The following TRPV3 variants were observed in gnomAD, a reference collection of about 807,000 sequenced individuals.
TRPV3 encodes the protein transient receptor potential cation channel subfamily V member 3, also known as VRL-3.
In TRPV3, 88 loss-of-function variants were observed where a neutral mutation model predicts 87.1. The observed-to-expected ratio is 1.01, with a 90% CI of 0.85 to 1.21. The LOEUF (loss-of-function observed/expected upper bound fraction) is 1.21. Among genes scored for constraint, TRPV3 ranks in the 50% most tolerant of loss-of-function variants. The pLI is 0.00. For missense variants in TRPV3, 1,054 were observed against 1,030.1 expected, an observed-to-expected ratio of 1.02 and a Z score of -0.32; for synonymous variants, 438 against 423.3, an observed-to-expected ratio of 1.03 and a Z score of -0.43.
intron 6 of TRPV3, among the ~76,000 whole-genome samples, chr17:3,538,208 G>T (rs1567640413): frequency 2.0e-5 from 3 of 151,834 alleles, no homozygotes; most frequent in Non-Finnish European, 2.9e-5. Flanking sequence ...AAATAGAAAG[G>T]CATTGTGTTT....
At chr17:3,519,328 A>ATGGG (rs574914411) in intron 14 of TRPV3, among the ~76,000 whole-genome samples, 117 of 140,928 alleles carry the variant, frequency 8.3e-4, no homozygotes, top group African/African-American at 3.4e-3. Flanking sequence ...GAATGGTTGG[A>ATGGG]TGGATGGATG....
At position 3,524,466 on chromosome 17, in the gene TRPV3, C is replaced by T. The variant is rs2074277155; in HGVS notation, c.1578-103G>A. 12 of 1,438,912 alleles carry T rather than the reference C, an allele frequency of 8.3e-6. No homozygotes were observed. The East Asian group carries it at 2.9e-4, about 34-fold the overall frequency. 89.1% of individuals were successfully genotyped at this position (1,438,912 alleles called of 1,614,324 possible). A position where few individuals can be genotyped will look rare whatever the true frequency, so the allele number is the denominator to read the frequency against. ...TCCCTTAAACCCCCTGAACAGTCAC[C>T]CCGGTGACGGATGCTGAAGAGACCA... On this transcript the variant is annotated intron_variant, in intron 12 of 17. Coordinates refer to ENST00000576742, the MANE Select transcript of TRPV3 (RefSeq NM_145068.4).
intron 2 of TRPV3, among the ~76,000 whole-genome samples, chr17:3,551,953 G>A (rs1054862199): frequency 2.5e-5 from 3 of 121,106 alleles, no homozygotes; most frequent in Non-Finnish European, 3.2e-5. Flanking sequence ...CACAATCTCA[G>A]CTCACTGCAA....
chr17:3,514,700 T>C (rs775497979), intron 16 of TRPV3, 28 bp from the exon 17 acceptor site: 1 of 1,502,486 alleles, frequency 6.7e-7, no homozygotes. Flanking sequence ...ATTCTTACTA[T>C]TTCACCAGTG....
intron 13 of TRPV3, 93 bp downstream of exon 13, chr17:3,524,105 G>A: frequency 6.6e-7 from 1 of 1,507,358 alleles, no homozygotes; most frequent in Non-Finnish European, 9.0e-7. Context: ...CCTGCCCCTT[G>A]GTAAACCCCT....
In TRPV3 at chr17:3,528,119, G is replaced by C; in HGVS notation, c.1409C>G (p.Pro470Arg). ...CTTGTGCGTCAGGGCCAAGGGGTGC[G>C]GGATGGCCTGCAGGGAAAGAAGAGG... ...YYRPREEEAIPHPLALTHKMG... is the reference protein window; with the variant it reads ...YYRPREEEAIRHPLALTHKMG... The change falls in exon 11 of 18, where the codon CCG becomes CGG. Residue 470 changes from proline to arginine, a missense_variant. Transcript: ENST00000576742. The surrounding 1 kb of genome is among the most constrained non-coding windows in gnomAD (Gnocchi z 4.2). 1 of 1,612,268 alleles carries C rather than the reference G, an allele frequency of 6.2e-7. No individual in the cohort carries two copies. The highest frequency in any genetic ancestry group is 8.5e-7 in the Non-Finnish European group (1 of 1,179,214).
chr17:3,532,584 C>T (rs2074358333), intron 8 of TRPV3, 73 bp downstream of exon 8: 1 of 1,555,736 alleles, frequency 6.4e-7, no homozygotes, highest in Non-Finnish European at 8.7e-7. Flanking sequence ...AGTAAGGCCC[C>T]CGGGGCTGAG....
At chr17:3,544,706 T>C (rs376060095) in intron 3 of TRPV3, 41 bp from the exon 4 acceptor site, 7 of 1,478,624 alleles carry the variant, frequency 4.7e-6, no homozygotes, top group Non-Finnish European at 6.5e-6. Flanking sequence ...GTTTTAAAGT[T>C]TTAAAATGGG....
chr17:3,522,319 C>T (rs750148643), intron 13 of TRPV3, among the ~76,000 whole-genome samples: 4 of 151,996 alleles, frequency 2.6e-5, no homozygotes, highest in South Asian at 2.1e-4. Flanking sequence ...AACAGTAGTC[C>T]GCCCTTCTCT....
intron 13 of TRPV3, among the ~76,000 whole-genome samples, chr17:3,522,458 TGTTA>T (rs1486552351): frequency 1.3e-5 from 2 of 152,234 alleles, no homozygotes; most frequent in African/African-American, 2.4e-5. Flanking sequence ...ATCATTGTTC[TGTTA>T]GTTATTGCCA....
Position 3,518,905 on chromosome 17 carries a change from C to T in TRPV3, c.1811-55G>A. 6.4e-7 allele frequency: 1 copy of T among 1,559,036 alleles called. No individual in the cohort carries two copies. The highest frequency in any genetic ancestry group is 8.7e-7 in the Non-Finnish European group (1 of 1,151,940). Reference sequence around the variant, plus strand: ...AGCTCTCTGCCTGGTAATTACTCTACAAGCTTGCGTGTATTTGCCTACATG... The same window carrying T: ...AGCTCTCTGCCTGGTAATTACTCTATAAGCTTGCGTGTATTTGCCTACATG... On this transcript the variant is annotated intron_variant, in intron 14 of 17. Coordinates refer to ENST00000576742, the MANE Select transcript of TRPV3 (RefSeq NM_145068.4). This position sits in a 1 kb window ranked among gnomAD's most constrained non-coding sequence, Gnocchi z 4.3.
At position 3,556,218 on chromosome 17, in the gene TRPV3, A is replaced by C. The variant is rs2074631004; in HGVS notation, c.-2-1366T>G. 6.6e-6 allele frequency among the ~76,000 whole-genome samples: 1 copy of C among 151,974 alleles called. No individual in the cohort carries two copies. Among genetic ancestry groups the C allele is most frequent in the Admixed American group, 6.6e-5 (1 of 15,254 alleles). On this transcript the variant is annotated intron_variant, in intron 1 of 17. Coordinates refer to ENST00000576742, the MANE Select transcript of TRPV3 (RefSeq NM_145068.4). The surrounding 1 kb of genome is among the most constrained non-coding windows in gnomAD (Gnocchi z 4.2). ...AAAAAAAATAAAGTTTTTATTAAACATAAAAAAGGAGCTATGGCTGACCCC... is the reference window on the plus strand; with the variant it reads ...AAAAAAAATAAAGTTTTTATTAAACCTAAAAAAGGAGCTATGGCTGACCCC...
chr17:3,522,646 C>T (rs1027429647), intron 13 of TRPV3, among the ~76,000 whole-genome samples: 15 of 150,562 alleles, frequency 1.0e-4, no homozygotes, highest in African/African-American at 3.4e-4. Context: ...ATGGCGAAAC[C>T]CCATCTCTAC....
chr17:3,520,007 T>TGGAC (rs2074232595), intron 14 of TRPV3, among the ~76,000 whole-genome samples: 1 of 142,144 alleles, frequency 7.0e-6, no homozygotes, highest in African/African-American at 2.6e-5. Flanking sequence ...GATGGATGGA[T>TGGAC]GGATGGACGG....
chr17:3,513,965 AG>A lies in TRPV3; in HGVS notation c.2324del (p.Thr775IlefsTer54), dbSNP rs760802582. The A allele has an allele frequency of 6.2e-7, 1 of 1,614,018 alleles. No individual in the cohort carries two copies. Reference sequence around the variant, plus strand: ...CCTCGACTTCTTCAAATGCATTGAGAGTGGTTTTGCTGTTGTTCCTGGAAGA... The same window carrying A: ...CCTCGACTTCTTCAAATGCATTGAGATGGTTTTGCTGTTGTTCCTGGAAGA... ...QDSSRNNSKT[T>X]LNAFEEVEEF... On this transcript the variant is annotated frameshift_variant, in exon 18 of 18. Coordinates refer to ENST00000576742, the MANE Select transcript of TRPV3 (RefSeq NM_145068.4). LOFTEE classifies it high-confidence loss of function.
chr17:3,533,003 G>A lies in TRPV3; in HGVS notation c.785-66C>T. The A allele has an allele frequency of 3.8e-6, 6 of 1,577,026 alleles. No individual in the cohort carries two copies. The East Asian group carries it at 1.3e-4, about 35-fold the overall frequency. The stretch of plus-strand genomic sequence containing the variant: ...CGGAAGCAGCGTCCCCCAAGCCCCA[G>A]GACTGGGGCCCATATCCTATCTCAG... On this transcript the variant is annotated intron_variant, in intron 7 of 17. Coordinates refer to ENST00000576742, the MANE Select transcript of TRPV3 (RefSeq NM_145068.4).
intron 14 of TRPV3, among the ~76,000 whole-genome samples, chr17:3,519,489 G>T (rs2074217763): frequency 6.7e-6 from 1 of 149,668 alleles, no homozygotes; most frequent in African/African-American, 2.5e-5. Flanking sequence ...TGATTGGATG[G>T]ATGGATGGAT....
In TRPV3 at chr17:3,512,036, C is replaced by T. The variant is rs2074119711; in HGVS notation, c.*1881G>A. The T allele has an allele frequency of 6.6e-6, 1 of 152,242 alleles. No individual in the cohort carries two copies. The highest frequency in any genetic ancestry group is 1.5e-5 in the Non-Finnish European group (1 of 68,042). The allele number at this position is 152,242 out of a possible 1,614,324, so 9.4% of individuals were successfully genotyped here. Reference sequence around the variant, plus strand: ...CCAGGCTAAAAGGGACCTTAAACTTCTTCCAATGACCATTTTCAACAACAT... The same window carrying T: ...CCAGGCTAAAAGGGACCTTAAACTTTTTCCAATGACCATTTTCAACAACAT... On this transcript the variant is annotated 3_prime_UTR_variant, in exon 18 of 18. Coordinates refer to ENST00000576742, the MANE Select transcript of TRPV3 (RefSeq NM_145068.4).
At chr17:3,555,203 G>C (rs1486653829) in intron 1 of TRPV3, among the ~76,000 whole-genome samples, 1 of 152,106 alleles carries the variant, frequency 6.6e-6, no homozygotes, top group African/African-American at 2.4e-5. Context: ...TGTCCCGGTA[G>C]AGACCACCAT....
Sources: allele counts gnomAD v4.1 joint callset (sites outside exome capture counted in the v4.1 genomes callset), GRCh38; gene constraint gnomAD v4.1.1; non-coding constraint Gnocchi (gnomAD v3.1); transcripts MANE v1.5; gene names NCBI Gene and HGNC (gene_info 2026-07-23, HGNC 2026-07-21).